The following PTPRD variants were observed in gnomAD, a reference collection of about 807,000 sequenced individuals.
PTPRD encodes the protein protein tyrosine phosphatase receptor type D, also known as receptor-type tyrosine-protein phosphatase delta.
PTPRD carries 34 observed loss-of-function variants against 214.5 expected under a neutral mutation model. The observed-to-expected ratio is 0.16, with a 90% CI of 0.12 to 0.21. The LOEUF (loss-of-function observed/expected upper bound fraction) is 0.21. Among genes scored for constraint, PTPRD ranks in the 10% least tolerant of loss-of-function variants. The pLI is 1.00. For synonymous variants in PTPRD, 1,128 were observed against 845.7 expected (o/e 1.33, Z -5.79); for missense variants, 2,545 against 2,398.7 (o/e 1.06, Z -1.27).
At chr9:9,698,022 T>C (rs1287792188) in intron 7 of PTPRD, among the ~76,000 whole-genome samples, 1 of 152,216 alleles carries the variant, frequency 6.6e-6, no homozygotes, top group Admixed American at 6.5e-5. Flanking sequence ...CTGTTAAATT[T>C]CCCTGATAAA....
At chr9:8,626,184 T>C (rs2096026342) in intron 14 of PTPRD, among the ~76,000 whole-genome samples, 1 of 151,830 alleles carries the variant, frequency 6.6e-6, no homozygotes, top group African/African-American at 2.4e-5. Context: ...TAAAAACTGC[T>C]CAAATTTTAT....
intron 7 of PTPRD, among the ~76,000 whole-genome samples, chr9:9,710,935 C>G (rs2097714848): frequency 6.6e-6 from 1 of 152,036 alleles, no homozygotes; most frequent in Admixed American, 6.6e-5. Context: ...ACTGGCACAT[C>G]TAAATGGTCC....
rs560017921 is a variant in PTPRD at position 8,320,518 on chromosome 9, C to A, written c.5535-552G>T. On this transcript the variant is annotated intron_variant, in intron 44 of 45. Coordinates refer to ENST00000381196, the MANE Select transcript of PTPRD (RefSeq NM_002839.4). ...AAGAGATGGTATAACAGGGTATATA[C>A]GTGATTTTCACTTAGTCTTCAGGAG... 2.6e-5 allele frequency among the ~76,000 whole-genome samples: 4 copies of A among 152,142 alleles called. No homozygotes were observed. The South Asian group carries it at 6.2e-4, about 24-fold the overall frequency.
At chr9:10,229,542 G>C (rs946356472) in intron 3 of PTPRD, among the ~76,000 whole-genome samples, 3 of 152,058 alleles carry the variant, frequency 2.0e-5, no homozygotes, top group Non-Finnish European at 4.4e-5. Context: ...ATGAGTTCAT[G>C]TCCTTTGTAG....
chr9:9,623,956 A>G (rs867025883), intron 7 of PTPRD, among the ~76,000 whole-genome samples: 3 of 152,310 alleles, frequency 2.0e-5, no homozygotes, highest in Middle Eastern at 3.4e-3. Flanking sequence ...AAACTGAGGA[A>G]AAGAGCGAGC....
At chr9:9,263,732 A>C (rs2099981160) in intron 9 of PTPRD, among the ~76,000 whole-genome samples, 1 of 151,748 alleles carries the variant, frequency 6.6e-6, no homozygotes, top group African/African-American at 2.4e-5. Flanking sequence ...ATTCTCACTT[A>C]TAGGTGGGAA....
intron 7 of PTPRD, among the ~76,000 whole-genome samples, chr9:9,726,138 C>G (rs938737964): frequency 2.0e-5 from 3 of 152,082 alleles, no homozygotes; most frequent in African/African-American, 4.8e-5. Flanking sequence ...TGCTATAATA[C>G]CAAGAAAATG....
At chr9:10,538,278 A>G (rs1286803984) in intron 2 of PTPRD, among the ~76,000 whole-genome samples, 2 of 147,456 alleles carry the variant, frequency 1.4e-5, no homozygotes, top group Admixed American at 1.3e-4. Flanking sequence ...AAATAAATAA[A>G]TAAATAAATA....
intron 14 of PTPRD, among the ~76,000 whole-genome samples, chr9:8,542,191 C>T (rs2078628018): frequency 6.6e-6 from 1 of 152,164 alleles, no homozygotes; most frequent in Admixed American, 6.5e-5. Context: ...AAGGTAAATA[C>T]AAGTGTGTGG....
intron 5 of PTPRD, among the ~76,000 whole-genome samples, chr9:9,921,302 G>C (rs987463639): frequency 6.6e-6 from 1 of 151,928 alleles, no homozygotes; most frequent in Non-Finnish European, 1.5e-5. Flanking sequence ...TAGGGTTTCT[G>C]TTTGCCTGTT....
intron 7 of PTPRD, among the ~76,000 whole-genome samples, chr9:9,579,104 C>G (rs602962): frequency 6.6e-6 from 1 of 151,870 alleles, no homozygotes; most frequent in Non-Finnish European, 1.5e-5. Flanking sequence ...CATTGTACGG[C>G]ATTCTTACAA....
At chr9:9,656,916 C>T (rs1052066610) in intron 7 of PTPRD, among the ~76,000 whole-genome samples, 1 of 151,888 alleles carries the variant, frequency 6.6e-6, no homozygotes, top group Non-Finnish European at 1.5e-5. Context: ...CTCTTGATTT[C>T]TCTGTGAACC....
intron 11 of PTPRD, among the ~76,000 whole-genome samples, chr9:8,737,741 C>T (rs879315362): frequency 1.3e-5 from 2 of 152,126 alleles, no homozygotes. Flanking sequence ...ACCTCCGCCT[C>T]CTCAGTTCAA....
At chr9:8,525,134 C>A (rs758254992) in intron 17 of PTPRD, 99 bp from the exon 18 acceptor site, 1 of 989,324 alleles carries the variant, frequency 1.0e-6, no homozygotes, top group Admixed American at 1.7e-5. Flanking sequence ...CCCTGCAAAG[C>A]GAAGGTCCAC....
At chr9:8,738,808 C>G (rs899142181) in intron 11 of PTPRD, among the ~76,000 whole-genome samples, 3 of 151,898 alleles carry the variant, frequency 2.0e-5, no homozygotes, top group Non-Finnish European at 2.9e-5. Context: ...TCACTTAAAA[C>G]TAGGTATCAT....
At chr9:10,481,281 T>C (rs1233628800) in intron 2 of PTPRD, among the ~76,000 whole-genome samples, 1 of 152,170 alleles carries the variant, frequency 6.6e-6, no homozygotes, top group Non-Finnish European at 1.5e-5. Flanking sequence ...TATACACTTG[T>C]GCATGTTTGA....
At chr9:9,284,498 G>T (rs181403772) in intron 9 of PTPRD, among the ~76,000 whole-genome samples, 1 of 151,520 alleles carries the variant, frequency 6.6e-6, no homozygotes, top group Non-Finnish European at 1.5e-5. Flanking sequence ...ACTGAAATTC[G>T]CTACCCCTCA....
At chr9:10,396,415 T>C (rs1240774953) in intron 2 of PTPRD, among the ~76,000 whole-genome samples, 1 of 152,002 alleles carries the variant, frequency 6.6e-6, no homozygotes, top group Middle Eastern at 3.2e-3. Context: ...GGACTCAAAC[T>C]GTTGGGAAGG....
intron 3 of PTPRD, among the ~76,000 whole-genome samples, chr9:10,065,845 G>C (rs913742886): frequency 2.6e-5 from 4 of 151,870 alleles, no homozygotes; most frequent in Non-Finnish European, 5.9e-5. Flanking sequence ...TATACTGGGG[G>C]GAGTGGGCTG....
Sources: gnomAD v4.1 joint callset for allele counts (sites outside exome capture counted in the v4.1 genomes callset) on GRCh38, gnomAD v4.1.1 for gene constraint, MANE v1.5 for transcripts, NCBI Gene and HGNC (gene_info 2026-07-23, HGNC 2026-07-21) for gene names.